The following ACOXL variants were observed in gnomAD, a reference collection of about 807,000 sequenced individuals.
ACOXL encodes acyl-coenzyme A oxidase-like protein.
ACOXL carries 70 observed loss-of-function variants against 71.9 expected under a neutral mutation model. The ratio of observed to expected loss-of-function variants is 0.97; its 90% CI spans 0.80 to 1.19. The LOEUF is 1.19. Among genes scored for constraint, ACOXL ranks in the 50% most tolerant of loss-of-function variants. The pLI is 0.00. For missense variants in ACOXL, 703 were observed against 736.3 expected (o/e 0.95, Z 0.52); for synonymous variants, 253 against 281.6 (o/e 0.90, Z 1.02).
chr2:111,006,051 A>G (rs2063856477), intron 14 of ACOXL, among the ~76,000 whole-genome samples: 1 of 152,220 alleles, frequency 6.6e-6, no homozygotes, highest in African/African-American at 2.4e-5. Context: ...TATTCCAGAG[A>G]CAGATCATCA....
At chr2:110,868,927 G>T in intron 10 of ACOXL, among the ~76,000 whole-genome samples, 1 of 152,122 alleles carries the variant, frequency 6.6e-6, no homozygotes, top group Admixed American at 6.6e-5. Context: ...AGGCAAGGCT[G>T]ATGTATTTTC....
At chr2:110,781,894 A>AT (rs1227288676) in intron 2 of ACOXL, among the ~76,000 whole-genome samples, 7 of 152,118 alleles carry the variant, frequency 4.6e-5, no homozygotes, top group East Asian at 3.8e-4. Flanking sequence ...GAAAACATAC[A>AT]TTTTTTCAGA....
intron 16 of ACOXL, among the ~76,000 whole-genome samples, chr2:111,051,295 T>TGA (rs1280581963): frequency 6.6e-6 from 1 of 152,180 alleles, no homozygotes; most frequent in Non-Finnish European, 1.5e-5. Context: ...AGATGTTATG[T>TGA]GAGAAAACCT....
chr2:110,923,092 A>G (rs11883938), intron 11 of ACOXL, among the ~76,000 whole-genome samples: 6,262 of 152,224 alleles, frequency 0.041, 220 homozygotes, highest in African/African-American at 0.084. Flanking sequence ...AGGAATCTCC[A>G]GGAAGGCAGT....
intron 16 of ACOXL, among the ~76,000 whole-genome samples, chr2:111,057,613 G>T (rs2066611079): frequency 6.6e-6 from 1 of 152,156 alleles, no homozygotes; most frequent in Non-Finnish European, 1.5e-5. Flanking sequence ...AAGGCAGAGG[G>T]GTTCCCTCTC....
chr2:110,751,170 G>A (rs1419200275), intron 1 of ACOXL, among the ~76,000 whole-genome samples: 4 of 151,826 alleles, frequency 2.6e-5, no homozygotes, highest in South Asian at 2.1e-4. Context: ...GCATTGTAGC[G>A]GGTGCCTGTA....
chr2:110,850,856 G>A (rs948650645), intron 10 of ACOXL, among the ~76,000 whole-genome samples: 1 of 152,184 alleles, frequency 6.6e-6, no homozygotes, highest in Non-Finnish European at 1.5e-5. Context: ...TGCACACCAA[G>A]ACGTGTATGC....
At chr2:110,981,253 G>A (rs2062696768) in intron 12 of ACOXL, among the ~76,000 whole-genome samples, 2 of 152,174 alleles carry the variant, frequency 1.3e-5, no homozygotes, top group East Asian at 3.9e-4. Flanking sequence ...AGCTACTCAG[G>A]AAGCTGAGGC....
At chr2:111,010,134 G>T (rs978827404) in intron 14 of ACOXL, among the ~76,000 whole-genome samples, 2 of 151,930 alleles carry the variant, frequency 1.3e-5, no homozygotes, top group Admixed American at 1.3e-4. Context: ...AAGAGAAGAA[G>T]ACCCCAAAAT....
chr2:111,092,832 T>C, intron 16 of ACOXL, 33 bp from the exon 17 acceptor site: 1 of 1,444,408 alleles, frequency 6.9e-7, no homozygotes, highest in Non-Finnish European at 9.7e-7. Context: ...TATTGCTATT[T>C]GTCCATTTCT....
At chr2:111,040,612 C>T (rs978532554) in intron 15 of ACOXL, among the ~76,000 whole-genome samples, 1 of 152,192 alleles carries the variant, frequency 6.6e-6, no homozygotes. Context: ...TGAGAGAACA[C>T]GGAAGAGACA....
chr2:110,997,053 A>T (rs899221214), intron 14 of ACOXL, among the ~76,000 whole-genome samples: 1 of 152,228 alleles, frequency 6.6e-6, no homozygotes, highest in African/African-American at 2.4e-5. Flanking sequence ...CACATATCAA[A>T]CATGGAGCCA....
At chr2:110,983,236 A>C (rs1169269886) in intron 12 of ACOXL, among the ~76,000 whole-genome samples, 1 of 152,258 alleles carries the variant, frequency 6.6e-6, no homozygotes, top group Non-Finnish European at 1.5e-5. Context: ...AGCATAAATC[A>C]GTGAAATACT....
intron 12 of ACOXL, among the ~76,000 whole-genome samples, chr2:110,937,506 C>CTCCT (rs1310893633): frequency 6.6e-6 from 1 of 152,216 alleles, no homozygotes; most frequent in Non-Finnish European, 1.5e-5. Flanking sequence ...TCCTTCCCTT[C>CTCCT]TCCTCTCCAC....
chr2:110,906,376 A>G (rs1339842993), intron 10 of ACOXL, among the ~76,000 whole-genome samples: 1 of 151,782 alleles, frequency 6.6e-6, no homozygotes, highest in Non-Finnish European at 1.5e-5. Context: ...CGTCTCTACC[A>G]AAAATGCAAA....
intron 11 of ACOXL, among the ~76,000 whole-genome samples, chr2:110,919,940 T>C (rs2060005367): frequency 6.6e-6 from 1 of 152,234 alleles, no homozygotes. Context: ...ATTGTATAGA[T>C]GTACCACAGG....
chr2:110,869,294 T>C (rs1694981923), intron 10 of ACOXL, among the ~76,000 whole-genome samples: 1 of 152,320 alleles, frequency 6.6e-6, no homozygotes, highest in Middle Eastern at 3.4e-3. Flanking sequence ...AAATCCCGTA[T>C]CAATGCAGTC....
chr2:111,102,821 A>C (rs1046682143), intron 17 of ACOXL, among the ~76,000 whole-genome samples: 2 of 152,208 alleles, frequency 1.3e-5, no homozygotes, highest in African/African-American at 4.8e-5. Context: ...TTCTAGCTAG[A>C]AATCAATAAT....
chr2:110,895,802 A>C (rs1356700505), intron 10 of ACOXL, among the ~76,000 whole-genome samples: 1 of 152,216 alleles, frequency 6.6e-6, no homozygotes. Flanking sequence ...TATCCAGTAA[A>C]AATGTCATTC....
Sources: gnomAD v4.1 joint callset for allele counts (sites outside exome capture counted in the v4.1 genomes callset) on GRCh38, gnomAD v4.1.1 for gene constraint, MANE v1.5 for transcripts, NCBI Gene and HGNC (gene_info 2026-07-23, HGNC 2026-07-21) for gene names.